Variants in SOX6 observed in about 807,000 individuals in gnomAD.
SOX6 encodes transcription factor SOX-6.
A neutral mutation model predicts 97.8 loss-of-function variants in SOX6; 11 were observed. The observed-to-expected ratio is 0.11, with a 90% confidence interval of 0.07 to 0.19. SOX6 has a LOEUF of 0.19. Among genes scored for constraint, SOX6 ranks in the 10% least tolerant of loss-of-function variants. The pLI is 1.00. For synonymous variants in SOX6, 360 were observed against 371.4 expected (o/e 0.97, Z 0.35); for missense variants, 810 against 1,039.5 (o/e 0.78, Z 3.04).
intron 6 of SOX6, among the ~76,000 whole-genome samples, chr11:16,146,824 A>G (rs1850317233): frequency 6.6e-6 from 1 of 152,196 alleles, no homozygotes; most frequent in South Asian, 2.1e-4. Context: ...CACCAGTTAG[A>G]ACGGTGATCA....
chr11:16,224,825 G>T (rs1219110724), intron 4 of SOX6, among the ~76,000 whole-genome samples: 1 of 151,906 alleles, frequency 6.6e-6, no homozygotes, highest in East Asian at 1.9e-4. Flanking sequence ...TATTTTGGGG[G>T]AATATTAAGT....
At chr11:16,183,719 T>G (rs117247936) in intron 6 of SOX6, among the ~76,000 whole-genome samples, 167 bp downstream of exon 6, 67 of 152,210 alleles carry the variant, frequency 4.4e-4, no homozygotes, top group Non-Finnish European at 8.4e-4. Flanking sequence ...GGCCACCATC[T>G]AGTCCATATT....
At chr11:16,428,160 C>T (rs1174082898) in intron 1 of SOX6, among the ~76,000 whole-genome samples, 1 of 152,032 alleles carries the variant, frequency 6.6e-6, no homozygotes, top group Non-Finnish European at 1.5e-5. Context: ...ATCCTTCGCC[C>T]ACTTTTTGAT....
At chr11:16,268,045 G>A (rs1854135947) in intron 3 of SOX6, among the ~76,000 whole-genome samples, 1 of 151,414 alleles carries the variant, frequency 6.6e-6, no homozygotes, top group Non-Finnish European at 1.5e-5. Context: ...TCTAGGGTAT[G>A]GGGAAATGGA....
rs61285320 is a variant in SOX6, at chr11:16,591,318, C to CATAGATAG, written n.609+20755_609+20762dup. Reference sequence around the variant, plus strand: ...CATAGATTAGATAAATGGTTAGATACATAGATAGATAGATAGATAGATAGA... The same window carrying CATAGATAG: ...CATAGATTAGATAAATGGTTAGATACATAGATAGATAGATAGATAGATAGATAGATAGA... On this transcript the variant is annotated intron_variant and non_coding_transcript_variant, in intron 4 of 5. Transcript: ENST00000524520. Among the ~76,000 whole-genome samples the CATAGATAG allele has an allele frequency of 7.7e-3, 957 of 123,526 alleles. 6 individuals carry two copies. The highest frequency in any genetic ancestry group is 8.9e-3 in the Admixed American group (103 of 11,586). The allele number at this position is 123,526 out of a possible 152,430, so 81.0% of individuals were successfully genotyped here.
At chr11:16,234,460 A>T in intron 4 of SOX6, 122 bp downstream of exon 4, 2 of 642,246 alleles carry the variant, frequency 3.1e-6, no homozygotes, top group Non-Finnish European at 5.5e-6. Flanking sequence ...TCACCCTCTC[A>T]TGTACAATCA....
At chr11:16,318,837 C>A in intron 2 of SOX6, among the ~76,000 whole-genome samples, 184 bp from the exon 3 acceptor site, 1 of 151,880 alleles carries the variant, frequency 6.6e-6, no homozygotes, top group African/African-American at 2.4e-5. Flanking sequence ...TGAACAACAC[C>A]GATTAAACAA....
intron 4 of SOX6, among the ~76,000 whole-genome samples, chr11:16,588,727 A>T (rs1215826324): frequency 1.3e-5 from 2 of 152,184 alleles, no homozygotes; most frequent in African/African-American, 4.8e-5. Context: ...TTCCTTTCTC[A>T]TATTAAAAAT....
At chr11:16,149,490 T>C (rs909228098) in intron 6 of SOX6, among the ~76,000 whole-genome samples, 2 of 152,114 alleles carry the variant, frequency 1.3e-5, no homozygotes, top group African/African-American at 4.8e-5. Flanking sequence ...AATAGGAGTC[T>C]GATAGGTCAT....
intron 1 of SOX6, among the ~76,000 whole-genome samples, chr11:16,353,745 T>C (rs1857007379): frequency 6.6e-6 from 1 of 152,048 alleles, no homozygotes; most frequent in African/African-American, 2.4e-5. Flanking sequence ...CTGTCTTGCA[T>C]ACTTAAGGGA....
chr11:16,061,342 G>GA (rs1016370182), intron 9 of SOX6, among the ~76,000 whole-genome samples: 9 of 148,906 alleles, frequency 6.0e-5, no homozygotes, highest in African/African-American at 1.2e-4. Flanking sequence ...ACAAAGAGGT[G>GA]AAAAATCTGT....
At chr11:16,548,425 T>C (rs1847644565) in intron 4 of SOX6, among the ~76,000 whole-genome samples, 1 of 152,058 alleles carries the variant, frequency 6.6e-6, no homozygotes, top group Admixed American at 6.6e-5. Flanking sequence ...TAATTGGAGC[T>C]CCATAGGCAA....
intron 3 of SOX6, among the ~76,000 whole-genome samples, chr11:16,708,761 T>G (rs924975904): frequency 1.3e-5 from 2 of 152,194 alleles, no homozygotes; most frequent in African/African-American, 2.4e-5. Context: ...TTATACCGGA[T>G]AGCAACTTAT....
chr11:16,087,991 G>C (rs1328218596), intron 9 of SOX6, among the ~76,000 whole-genome samples: 1 of 151,658 alleles, frequency 6.6e-6, no homozygotes, highest in Non-Finnish European at 1.5e-5. Context: ...TTGTGGGACA[G>C]GGTGGGGGGT....
rs561664581 is a variant in SOX6, at chr11:16,682,733, G to T, written n.429+32097C>A. Reference sequence around the variant, plus strand: ...CTTCAGCATAGTGTTGGAAGTTCTGGCCAGGGCATTCAGGCAAGAGAAAGA... The same window carrying T: ...CTTCAGCATAGTGTTGGAAGTTCTGTCCAGGGCATTCAGGCAAGAGAAAGA... On this transcript the variant is annotated intron_variant and non_coding_transcript_variant, in intron 3 of 5. Transcript: ENST00000524520. 6.6e-5 allele frequency among the ~76,000 whole-genome samples: 10 copies of T among 152,294 alleles called. No individual in the cohort carries two copies. In the East Asian group the frequency reaches 1.7e-3, roughly 26 times the overall value.
At chr11:16,435,397 G>T (rs1163387329) in intron 1 of SOX6, among the ~76,000 whole-genome samples, 2 of 152,036 alleles carry the variant, frequency 1.3e-5, no homozygotes, top group South Asian at 2.1e-4. Flanking sequence ...ACACCAACTT[G>T]CAGGCTAATA....
At chr11:16,346,283 T>C (rs1480897633) in intron 1 of SOX6, among the ~76,000 whole-genome samples, 1 of 152,030 alleles carries the variant, frequency 6.6e-6, no homozygotes, top group African/African-American at 2.4e-5. Flanking sequence ...CAGATATGTT[T>C]AGTTGCCAAA....
intron 1 of SOX6, among the ~76,000 whole-genome samples, chr11:16,424,961 C>T (rs1043487952): frequency 3.3e-5 from 5 of 152,092 alleles, no homozygotes; most frequent in African/African-American, 9.7e-5. Context: ...GTCAAAACAA[C>T]GGGCAGCTGT....
At chr11:16,334,545 A>C (rs1856402422) in intron 2 of SOX6, among the ~76,000 whole-genome samples, 1 of 151,736 alleles carries the variant, frequency 6.6e-6, no homozygotes, top group Non-Finnish European at 1.5e-5. Flanking sequence ...CTCCTGCTTC[A>C]GCCTTCTGAG....
Sources: allele counts gnomAD v4.1 joint callset (sites outside exome capture counted in the v4.1 genomes callset), GRCh38; gene constraint gnomAD v4.1.1; transcripts MANE v1.5; gene names NCBI Gene and HGNC (gene_info 2026-07-23, HGNC 2026-07-21).